Variants in GRIA4 observed in about 807,000 individuals in gnomAD.
GRIA4 encodes glutamate ionotropic receptor AMPA type subunit 4.
GRIA4 carries 34 observed loss-of-function variants against 104.0 expected under a neutral mutation model. That is an observed-to-expected ratio of 0.33 (90% CI 0.25 to 0.44). GRIA4 has a LOEUF of 0.44. GRIA4 is among the 20% of genes least tolerant of loss of function. The pLI, the probability that GRIA4 is intolerant of heterozygous loss-of-function variation, is 1.00. For synonymous variants in GRIA4, 386 were observed against 381.9 expected, an observed-to-expected ratio of 1.01 and a Z score of -0.13; for missense variants, 750 against 1,096.5, an observed-to-expected ratio of 0.68 and a Z score of 4.46.
At chr11:105,925,575 G>A (rs1011054941) in intron 12 of GRIA4, among the ~76,000 whole-genome samples, 6 of 152,052 alleles carry the variant, frequency 3.9e-5, no homozygotes, top group African/African-American at 1.4e-4. Flanking sequence ...TCAAAAAAGA[G>A]GCATTTTGGG....
rs138154537 is a variant in GRIA4 at position 105,821,248 on chromosome 11, T to A, written c.488-40776T>A. Among the ~76,000 whole-genome samples the A allele has an allele frequency of 1.5e-3, 234 of 152,230 alleles. 1 individual carries two copies. The highest frequency in any genetic ancestry group is 5.3e-3 in the African/African-American group (222 of 41,550). ...ATAGGAAAACAAAGGAAAATCAAAA[T>A]CTGAATGATTTAGTTAAAATTGTAT... On this transcript the variant is annotated intron_variant, in intron 4 of 16. Transcript: ENST00000282499.
chr11:105,862,278 C>T (rs1945255407), intron 5 of GRIA4, 70 bp downstream of exon 5: 3 of 810,928 alleles, frequency 3.7e-6, no homozygotes, highest in Non-Finnish European at 6.1e-6. Context: ...TTGACTTGTC[C>T]CCATCAACAT....
intron 11 of GRIA4, among the ~76,000 whole-genome samples, chr11:105,920,457 G>T (rs1384112868): frequency 6.6e-6 from 1 of 151,994 alleles, no homozygotes; most frequent in African/African-American, 2.4e-5. Context: ...ATCATACTTG[G>T]ATTACCAGTT....
chr11:105,672,223 G>T (rs964970385), intron 3 of GRIA4, among the ~76,000 whole-genome samples: 9 of 152,102 alleles, frequency 5.9e-5, no homozygotes, highest in African/African-American at 1.9e-4. Flanking sequence ...ATTAAAATGA[G>T]TTGAATAATC....
intron 4 of GRIA4, among the ~76,000 whole-genome samples, chr11:105,757,814 G>A (rs1355319701): frequency 6.6e-6 from 1 of 152,116 alleles, no homozygotes; most frequent in Admixed American, 6.6e-5. Context: ...TCACTGGAAA[G>A]GTGATGGTGC....
At chr11:105,893,276 C>T (rs1022641365) in intron 6 of GRIA4, among the ~76,000 whole-genome samples, 6 of 152,086 alleles carry the variant, frequency 3.9e-5, no homozygotes, top group African/African-American at 1.4e-4. Context: ...CCCAGGAACT[C>T]TCAGATCCAC....
intron 3 of GRIA4, among the ~76,000 whole-genome samples, chr11:105,671,183 T>C (rs973631620): frequency 1.3e-5 from 2 of 152,134 alleles, no homozygotes; most frequent in Non-Finnish European, 2.9e-5. Flanking sequence ...TTTTGCTGTG[T>C]AAGGTAACAT....
chr11:105,915,427 T>C (rs2136177262), intron 10 of GRIA4, among the ~76,000 whole-genome samples: 1 of 152,258 alleles, frequency 6.6e-6, no homozygotes, highest in African/African-American at 2.4e-5. Context: ...TGAAAGACAT[T>C]AGATAAATAT....
intron 10 of GRIA4, among the ~76,000 whole-genome samples, chr11:105,915,779 T>A (rs1296346261): frequency 6.6e-6 from 1 of 152,224 alleles, no homozygotes; most frequent in Non-Finnish European, 1.5e-5. Context: ...TTTTGATAAA[T>A]GCAATAAGCG....
At chr11:105,665,918 G>GCTTT (rs995388856) in intron 3 of GRIA4, among the ~76,000 whole-genome samples, 1 of 152,024 alleles carries the variant, frequency 6.6e-6, no homozygotes, top group Non-Finnish European at 1.5e-5. Flanking sequence ...TTGCTTGCTT[G>GCTTT]CATGTACGTG....
intron 14 of GRIA4, among the ~76,000 whole-genome samples, chr11:105,970,153 C>CA (rs1294300548): frequency 6.6e-6 from 1 of 151,836 alleles, no homozygotes; most frequent in Non-Finnish European, 1.5e-5. Context: ...GATTTTAATC[C>CA]AAAAAACAAC....
At chr11:105,795,347 C>T (rs895529892) in intron 4 of GRIA4, among the ~76,000 whole-genome samples, 2 of 152,136 alleles carry the variant, frequency 1.3e-5, no homozygotes, top group Non-Finnish European at 2.9e-5. Flanking sequence ...TATCACCATA[C>T]ACGCACATAG....
At chr11:105,969,620 C>G (rs575856990) in intron 14 of GRIA4, among the ~76,000 whole-genome samples, 3 of 152,278 alleles carry the variant, frequency 2.0e-5, no homozygotes, top group South Asian at 4.1e-4. Flanking sequence ...TTAAAGGAAA[C>G]TCTCGAACTT....
chr11:105,748,371 A>C (rs1432471921), intron 3 of GRIA4, among the ~76,000 whole-genome samples: 2 of 132,702 alleles, frequency 1.5e-5, no homozygotes, highest in African/African-American at 5.8e-5. Flanking sequence ...GTCACACAGA[A>C]TCACTTTTGT....
At chr11:105,688,140 A>G (rs148741207) in intron 3 of GRIA4, among the ~76,000 whole-genome samples, 2 of 86,858 alleles carry the variant, frequency 2.3e-5, no homozygotes, top group Non-Finnish European at 5.2e-5. Flanking sequence ...ATCTATATCT[A>G]TATCTATATC....
intron 3 of GRIA4, among the ~76,000 whole-genome samples, chr11:105,688,722 G>A (rs987982717): frequency 3.3e-5 from 5 of 152,198 alleles, no homozygotes; most frequent in African/African-American, 7.2e-5. Context: ...TTCATGGTGC[G>A]TACAATTTAC....
chr11:105,805,478 G>GAAAAAAAAAAAAAAAAAAAAA (rs57123559), intron 4 of GRIA4, among the ~76,000 whole-genome samples: 5 of 92,496 alleles, frequency 5.4e-5, no homozygotes, highest in African/African-American at 1.8e-4. Context: ...AAGAAATCAG[G>GAAAAAAAAAAAAAAAAAAAAA]AAAAAAAAAA....
At chr11:105,656,090 T>C (rs1430246950) in intron 3 of GRIA4, among the ~76,000 whole-genome samples, 3 of 152,232 alleles carry the variant, frequency 2.0e-5, no homozygotes, top group African/African-American at 7.2e-5. Flanking sequence ...CCAGTGATGA[T>C]GAGCTTCTCT....
intron 4 of GRIA4, among the ~76,000 whole-genome samples, chr11:105,775,374 T>G (rs1268307096): frequency 6.6e-6 from 1 of 152,198 alleles, no homozygotes; most frequent in African/African-American, 2.4e-5. Context: ...ATAGTAAATA[T>G]TGACATGTAA....
Sources: gnomAD v4.1 joint callset for allele counts (sites outside exome capture counted in the v4.1 genomes callset) on GRCh38, gnomAD v4.1.1 for gene constraint, MANE v1.5 for transcripts, NCBI Gene and HGNC (gene_info 2026-07-23, HGNC 2026-07-21) for gene names.